The following BSCL2 variants were observed in gnomAD, a reference collection of about 807,000 sequenced individuals.
The protein encoded by BSCL2 is BSCL2 lipid droplet biogenesis associated, seipin, also known as seipin.
BSCL2 carries 41 observed loss-of-function variants against 57.4 expected under a neutral mutation model. The ratio of observed to expected loss-of-function variants is 0.71; its 90% CI spans 0.56 to 0.93. The LOEUF (loss-of-function observed/expected upper bound fraction) is 0.93. Among genes scored for constraint, BSCL2 ranks in the 40% least tolerant of loss-of-function variants. The pLI, the probability that BSCL2 is intolerant of heterozygous loss-of-function variation, is 0.00. For synonymous variants in BSCL2, 237 were observed against 227.3 expected (o/e 1.04, Z -0.38); for missense variants, 539 against 586.7 (o/e 0.92, Z 0.84).
chr11:62,694,508 T>G (rs921677845), intron 4 of BSCL2, 60 bp downstream of exon 4: 1 of 1,612,320 alleles, frequency 6.2e-7, no homozygotes, highest in African/African-American at 1.3e-5. Context: ...CCCAGCCCCC[T>G]ACCCATTCTG....
intron 2 of BSCL2, among the ~76,000 whole-genome samples, chr11:62,704,288 C>A (rs566122834): frequency 6.7e-6 from 1 of 149,512 alleles, no homozygotes; most frequent in South Asian, 2.1e-4. Flanking sequence ...CTCCCCAGCA[C>A]TTTGGGAGGC....
In BSCL2 at chr11:62,690,804, T is replaced by G; in HGVS notation, c.1136A>C (p.Glu379Ala). The change falls in exon 9 of 11, where the codon GAA becomes GCA. Residue 379 changes from glutamate (E) to alanine (A), a missense_variant. Transcript: ENST00000360796. ...SDVTEDGESP[E>A]DPSGTEGQLS... ...CGCCATACCTGTCCCTGAGGGATCT[T>G]CAGGGCTCTCACCATCCTCTGTAAC... 1 of 1,613,632 alleles carries G rather than the reference T, an allele frequency of 6.2e-7. No individual in the cohort carries two copies. The highest frequency in any genetic ancestry group is 8.5e-7 in the Non-Finnish European group (1 of 1,179,966).
chr11:62,706,350 G>T, intron 1 of BSCL2: 1 of 1,094,184 alleles, frequency 9.1e-7, no homozygotes, highest in Non-Finnish European at 1.1e-6. Flanking sequence ...TTGTAGCCGT[G>T]GGAGGCGGGG....
intron 3 of BSCL2, among the ~76,000 whole-genome samples, chr11:62,694,928 C>T (rs1223439575): frequency 6.6e-6 from 1 of 152,160 alleles, no homozygotes; most frequent in East Asian, 1.9e-4. Flanking sequence ...ATCCTGTTGG[C>T]TCTCCTGAAT....
intron 3 of BSCL2, among the ~76,000 whole-genome samples, chr11:62,696,604 T>C (rs937678368): frequency 7.2e-5 from 11 of 152,178 alleles, no homozygotes; most frequent in Non-Finnish European, 1.6e-4. Context: ...TCACAAAGGC[T>C]GGAGTGCAGT....
At chr11:62,703,021 A>G (rs902358655) in intron 2 of BSCL2, among the ~76,000 whole-genome samples, 1 of 152,104 alleles carries the variant, frequency 6.6e-6, no homozygotes, top group Admixed American at 6.6e-5. Flanking sequence ...GTGGTGGCGC[A>G]TGCCTGTAAT....
Position 62,691,108 on chromosome 11 carries a change from C to T in BSCL2, c.1039G>A (p.Glu347Lys). Reference protein sequence around the residue: ...NIRKRDNSRKEVQRRISAHQP... With the variant: ...NIRKRDNSRKKVQRRISAHQP... ...TGAGCAGAGATCCTTCGTTGGACTT[C>T]CTTCCGGGAATTGTCTCTTTTTCGG... The change falls in exon 8 of 11, where the codon GAA becomes AAA. Residue 347 changes from glutamate (E) to lysine (K), a missense_variant. By Grantham distance (56) the Glu-to-Lys change is moderately conservative. This residue lies in a region of BSCL2 where 248 missense variants were observed against 239.9 expected (regional missense o/e 1.03). Coordinates refer to ENST00000360796, the MANE Select transcript of BSCL2 (RefSeq NM_001122955.4). 1 of 1,614,248 alleles carries T rather than the reference C, an allele frequency of 6.2e-7. No individual in the cohort carries two copies. Among genetic ancestry groups the T allele is most frequent in the Non-Finnish European group, 8.5e-7 (1 of 1,180,050 alleles).
chr11:62,700,976 T>A (rs1488991088), intron 3 of BSCL2, among the ~76,000 whole-genome samples: 4 of 151,872 alleles, frequency 2.6e-5, no homozygotes, highest in Admixed American at 6.6e-5. Context: ...GAACGTATCC[T>A]TTATGAGAGC....
chr11:62,691,310 G>A lies in BSCL2; in HGVS notation c.975C>T (p.Gly325=), dbSNP rs1945303685. The A allele has an allele frequency of 6.2e-7, 1 of 1,613,984 alleles. No homozygotes were observed. The highest frequency in any genetic ancestry group is 1.1e-5 in the South Asian group (1 of 91,072). The change falls in exon 7 of 11, where the codon GGC becomes GGT. Residue 325 remains glycine (G), a synonymous_variant. Coordinates refer to ENST00000360796, the MANE Select transcript of BSCL2 (RefSeq NM_001122955.4). The stretch of plus-strand genomic sequence containing the variant: ...AAGAGAAGCGGTGTCGGGGCCAGAT[G>A]CCCCCCCACACCCACTGCATGTAGC... ...LFSYMQWVWG[G]IWPRHRFSLQ...
In BSCL2 at chr11:62,692,787, T is replaced by C. The variant is rs544020840; in HGVS notation, c.641A>G (p.His214Arg). Residue 214 changes from histidine to arginine, a missense_variant, in exon 5 of 11, where the codon CAT (histidine) becomes CGT (arginine). Coordinates refer to ENST00000360796, the MANE Select transcript of BSCL2 (RefSeq NM_001122955.4). ...CATCTGGAGCAGGTCTGAGCGGTAA[T>C]GCAGCATCACCTGCCGGGGGTGGGA... is the stretch of plus-strand genomic sequence containing the variant. ...ISTSSRSVML[H>R]YRSDLLQMLD... is the part of the protein sequence containing the mutation. The C allele has an allele frequency of 5.6e-6, 9 of 1,613,444 alleles. No individual in the cohort carries two copies. Among genetic ancestry groups the C allele is most frequent in the Non-Finnish European group, 7.6e-6 (9 of 1,180,016 alleles).
In BSCL2 at chr11:62,700,251, A is replaced by G. The variant is rs1209537084; in HGVS notation, c.486+2217T>C. ...GCAAAACCTTGTCTTGAAAAATAAA[A>G]TAAAATAGAACCCCAGACTCTATAG... is the stretch of plus-strand genomic sequence containing the variant. On this transcript the variant is annotated intron_variant, in intron 3 of 10. Transcript: ENST00000360796. Among the ~76,000 whole-genome samples, 6 of 151,998 alleles carry G rather than the reference A, an allele frequency of 3.9e-5. No individual in the cohort carries two copies. In the South Asian group the frequency reaches 1.2e-3, roughly 32 times the overall value.
At chr11:62,692,268 C>A (rs1945331499) in intron 6 of BSCL2, 108 bp downstream of exon 6, 1 of 1,196,946 alleles carries the variant, frequency 8.4e-7, no homozygotes, top group Non-Finnish European at 1.2e-6. Flanking sequence ...TATGTGAAAC[C>A]CAAGTCAGCT....
intron 3 of BSCL2, among the ~76,000 whole-genome samples, chr11:62,700,305 A>G (rs1945599782): frequency 6.6e-6 from 1 of 152,062 alleles, no homozygotes; most frequent in Non-Finnish European, 1.5e-5. Flanking sequence ...AAAGTGTGAC[A>G]TTCTATCATT....
intron 3 of BSCL2, among the ~76,000 whole-genome samples, chr11:62,700,768 C>T (rs1210649368): frequency 2.6e-5 from 4 of 152,266 alleles, no homozygotes; most frequent in Non-Finnish European, 5.9e-5. Context: ...GCATGACCAA[C>T]ATGGTGAAAC....
At chr11:62,699,104 C>A (rs1945560583) in intron 3 of BSCL2, among the ~76,000 whole-genome samples, 1 of 152,070 alleles carries the variant, frequency 6.6e-6, no homozygotes, top group Admixed American at 6.6e-5. Context: ...CGGGGTTTCA[C>A]CAGTTGGCCA....
intron 2 of BSCL2, among the ~76,000 whole-genome samples, chr11:62,703,042 C>A (rs1056414934): frequency 1.1e-4 from 16 of 151,770 alleles, no homozygotes; most frequent in South Asian, 2.1e-4. Context: ...CCCACCTACT[C>A]GGGACGCTGA....
rs1016832957 is a variant in BSCL2, at chr11:62,707,089, G to C, written c.87+20C>G. The C allele has an allele frequency of 3.2e-6, 5 of 1,547,086 alleles. No individual in the cohort carries two copies. The highest frequency in any genetic ancestry group is 3.9e-5 in the Admixed American group (2 of 50,910). ...TATTTCCAGTATATTTCTGCTGACT[G>C]TCCCCACAAGGGCCCCTACCTCCTC... On this transcript the variant is annotated intron_variant, in intron 1 of 10. Coordinates refer to ENST00000360796, the MANE Select transcript of BSCL2 (RefSeq NM_001122955.4).
At chr11:62,691,544 C>A (rs181292902) in intron 6 of BSCL2, 123 bp from the exon 7 acceptor site, 33 of 1,161,054 alleles carry the variant, frequency 2.8e-5, no homozygotes, top group East Asian at 5.0e-5. Flanking sequence ...CTCTGTCACC[C>A]CTGCCTCCCA....
At chr11:62,697,623 T>TA (rs879566454) in intron 3 of BSCL2, 231 of 137,220 alleles carry the variant, frequency 1.7e-3, no homozygotes, top group South Asian at 4.4e-3. Context: ...CCGTCTCTAC[T>TA]AAAAAAAAAA....
Sources: gnomAD v4.1 joint callset for allele counts (sites outside exome capture counted in the v4.1 genomes callset) on GRCh38, gnomAD v4.1.1 for gene constraint, gnomAD v4.1.1 regional missense constraint, MANE v1.5 for transcripts, NCBI Gene and HGNC (gene_info 2026-07-23, HGNC 2026-07-21) for gene names.